TRMT9B: variants seen among roughly 807,000 people sequenced by gnomAD.
TRMT9B encodes the protein probable tRNA methyltransferase 9B.
A neutral mutation model predicts 11.5 loss-of-function variants in TRMT9B; 16 were observed. That is an observed-to-expected ratio of 1.39 (90% CI 0.94 to 2.11). The LOEUF is 2.11. Ranked by LOEUF, TRMT9B falls within the 30% of genes most tolerant of loss-of-function variation. TRMT9B has a pLI of 0.00. For missense variants in TRMT9B, 941 were observed against 553.8 expected, an observed-to-expected ratio of 1.70 and a Z score of -7.02; for synonymous variants, 274 against 192.4, an observed-to-expected ratio of 1.42 and a Z score of -3.51.
chr8:12,982,544 C>T (rs1286985549), intron 1 of TRMT9B, among the ~76,000 whole-genome samples: 5 of 151,974 alleles, frequency 3.3e-5, no homozygotes, highest in Admixed American at 2.0e-4. Flanking sequence ...TGCTTGTAAT[C>T]GCAGCTACTC....
chr8:12,977,877 A>T (rs1201446825), intron 1 of TRMT9B, among the ~76,000 whole-genome samples: 1 of 151,728 alleles, frequency 6.6e-6, no homozygotes, highest in Non-Finnish European at 1.5e-5. Flanking sequence ...AAATACAAAA[A>T]CATTAGCCAG....
intron 1 of TRMT9B, among the ~76,000 whole-genome samples, chr8:12,979,328 G>C (rs1804979803): frequency 6.6e-6 from 1 of 152,072 alleles, no homozygotes; most frequent in Non-Finnish European, 1.5e-5. Context: ...CAGTAACCTA[G>C]AGTTTATATT....
intron 1 of TRMT9B, among the ~76,000 whole-genome samples, chr8:12,975,393 T>C (rs1804284360): frequency 6.6e-6 from 1 of 152,142 alleles, no homozygotes; most frequent in South Asian, 2.1e-4. Flanking sequence ...AACTTATTAA[T>C]TGCTCCTTTC....
chr8:12,946,467 G>C (rs73544651), intron 1 of TRMT9B, among the ~76,000 whole-genome samples: 6,727 of 152,218 alleles, frequency 0.044, 494 homozygotes, highest in African/African-American at 0.15. Flanking sequence ...AATGTGCCAG[G>C]TGACTGGGAG....
In TRMT9B at chr8:13,027,065, T is replaced by C. The variant is rs529361; in HGVS notation, c.*5021T>C. 14,900 of 167,150 alleles carry C rather than the reference T, an allele frequency of 0.089. 747 individuals carry two copies. Among genetic ancestry groups the C allele is most frequent in the African/African-American group, 0.11 (4,492 of 41,560 alleles). The allele number at this position is 167,150 out of a possible 1,614,324, so 10.4% of individuals were successfully genotyped here. On this transcript the variant is annotated 3_prime_UTR_variant, in exon 5 of 5. Transcript: ENST00000524591. ...CAACTCTTCAACCTTTCAACAATTA[T>C]ATTATTGTTTTCCCATTTTATAAGT...
chr8:12,954,015 G>A (rs369405320), intron 1 of TRMT9B, among the ~76,000 whole-genome samples: 9 of 152,094 alleles, frequency 5.9e-5, no homozygotes, highest in African/African-American at 1.4e-4. Context: ...GCCTTTTTGC[G>A]TGTATATCTT....
At position 12,991,021 on chromosome 8, in the gene TRMT9B, G is replaced by A; in HGVS notation, c.-12G>A. 1 of 1,262,370 alleles carries A rather than the reference G, an allele frequency of 7.9e-7. No homozygotes were observed. Among genetic ancestry groups the A allele is most frequent in the Admixed American group, 2.4e-5 (1 of 41,738 alleles). The allele number at this position is 1,262,370 out of a possible 1,614,324, so 78.2% of individuals were successfully genotyped here. ...AAGAGGTAATTTTCCTGTAATCACAGGATGACTCAGGTTAGTAGCTTTCAG... is the reference window on the plus strand; with the variant it reads ...AAGAGGTAATTTTCCTGTAATCACAAGATGACTCAGGTTAGTAGCTTTCAG... On this transcript the variant is annotated 5_prime_UTR_variant, in exon 2 of 5. Transcript: ENST00000524591.
chr8:13,004,069 G>C (rs1196262684), intron 2 of TRMT9B, among the ~76,000 whole-genome samples: 4 of 151,918 alleles, frequency 2.6e-5, no homozygotes, highest in Non-Finnish European at 5.9e-5. Context: ...GCAAAGCCAT[G>C]TGGCTGAACT....
intron 3 of TRMT9B, chr8:13,012,028 G>A: frequency 1.0e-6 from 1 of 985,350 alleles, no homozygotes; most frequent in Non-Finnish European, 1.2e-6. Context: ...ATATGAATGT[G>A]AGCTTAGAGG....
intron 1 of TRMT9B, among the ~76,000 whole-genome samples, chr8:12,974,178 G>A (rs1419156321): frequency 1.7e-5 from 2 of 119,864 alleles, no homozygotes; most frequent in African/African-American, 6.3e-5. Context: ...CCTTAAAAAA[G>A]AAAAGAAAAG....
Position 13,025,056 on chromosome 8 carries a change from G to A in TRMT9B, c.*3012G>A, listed in dbSNP as rs1027270856. ...TGCTGTCGGCCTCAACTTGCTTGATGATAGATTCTACTGACCTAGCTGGAG... is the reference window on the plus strand; with the variant it reads ...TGCTGTCGGCCTCAACTTGCTTGATAATAGATTCTACTGACCTAGCTGGAG... On this transcript the variant is annotated 3_prime_UTR_variant, in exon 5 of 5. Coordinates refer to ENST00000524591, the MANE Select transcript of TRMT9B (RefSeq NM_020844.3). 3.6e-5 allele frequency: 6 copies of A among 167,036 alleles called. No homozygotes were observed. The highest frequency in any genetic ancestry group is 1.2e-4 in the African/African-American group (5 of 41,422). 10.3% of individuals were successfully genotyped at this position (167,036 alleles called of 1,614,324 possible). A position where few individuals can be genotyped will look rare whatever the true frequency, so the allele number is the denominator to read the frequency against.
intron 2 of TRMT9B, among the ~76,000 whole-genome samples, chr8:13,001,407 C>A (rs17784878): frequency 0.058 from 8,888 of 152,254 alleles, 315 homozygotes; most frequent in African/African-American, 0.096. Flanking sequence ...TGATGCGCAT[C>A]CTTCTGACTT....
intron 1 of TRMT9B, among the ~76,000 whole-genome samples, chr8:12,957,539 A>G (rs1231780914): frequency 6.6e-6 from 1 of 152,224 alleles, no homozygotes; most frequent in Non-Finnish European, 1.5e-5. Flanking sequence ...ATGACTTAAT[A>G]CAATTATGAA....
chr8:13,017,156 A>G (rs1435234452), intron 4 of TRMT9B, among the ~76,000 whole-genome samples: 4 of 152,098 alleles, frequency 2.6e-5, no homozygotes, highest in African/African-American at 9.7e-5. Context: ...CCAAAATGTC[A>G]ATAGTACTGA....
Position 13,027,277 on chromosome 8 carries a change from C to T in TRMT9B, c.*5233C>T, listed in dbSNP as rs1814801053. The stretch of plus-strand genomic sequence containing the variant: ...ACAGGTGCCAAGCTGAAACATTCTT[C>T]GTATTCCCTGTGTGCCTATTACCAA... On this transcript the variant is annotated 3_prime_UTR_variant, in exon 5 of 5. Coordinates refer to ENST00000524591, the MANE Select transcript of TRMT9B (RefSeq NM_020844.3). 6.0e-6 allele frequency: 1 copy of T among 166,996 alleles called. No homozygotes were observed. Among genetic ancestry groups the T allele is most frequent in the African/African-American group, 2.4e-5 (1 of 41,460 alleles). The allele number at this position is 166,996 out of a possible 1,614,324, so 10.3% of individuals were successfully genotyped here.
chr8:12,954,382 G>C (rs992543226), intron 1 of TRMT9B, among the ~76,000 whole-genome samples: 5 of 152,160 alleles, frequency 3.3e-5, no homozygotes, highest in African/African-American at 1.2e-4. Context: ...TCATTGCTTT[G>C]AAGAAGACAC....
At position 13,021,419 on chromosome 8, in the gene TRMT9B, T is replaced by A. The variant is rs904565042; in HGVS notation, c.740T>A (p.Phe247Tyr). The A allele has an allele frequency of 4.3e-6, 7 of 1,614,062 alleles. No homozygotes were observed. Among genetic ancestry groups the A allele is most frequent in the African/African-American group, 1.3e-5 (1 of 75,066 alleles). ...TTTTACAGCACATTAGGAAAATCGT[T>A]TCGTTCCTGGTTTTTCTCCAGATCT... The part of the protein sequence containing the change: ...YGFYSTLGKS[F>Y]RSWFFSRSLD... Residue 247 changes from phenylalanine (F) to tyrosine (Y), a missense_variant, in exon 5 of 5, where the codon TTT becomes TAT. Coordinates refer to ENST00000524591, the MANE Select transcript of TRMT9B (RefSeq NM_020844.3).
At chr8:13,000,380 A>T (rs768153956) in intron 2 of TRMT9B, among the ~76,000 whole-genome samples, 1 of 151,852 alleles carries the variant, frequency 6.6e-6, no homozygotes, top group African/African-American at 2.4e-5. Context: ...TTGTTTTTCT[A>T]CCCTTTGGAA....
At chr8:12,991,854 C>A (rs1034869402) in intron 2 of TRMT9B, among the ~76,000 whole-genome samples, 6 of 152,096 alleles carry the variant, frequency 3.9e-5, no homozygotes, top group African/African-American at 1.4e-4. Context: ...TTGCTTGAAC[C>A]CAGGAGGTGG....
Sources: allele counts gnomAD v4.1 joint callset (sites outside exome capture counted in the v4.1 genomes callset), GRCh38; gene constraint gnomAD v4.1.1; transcripts MANE v1.5; gene names NCBI Gene and HGNC (gene_info 2026-07-23, HGNC 2026-07-21).